Variants in DIP2B observed in about 807,000 individuals in gnomAD.
The protein encoded by DIP2B is DIP2 acetate--CoA ligase B (putative), also known as disco-interacting protein 2 homolog B.
In DIP2B, 76 loss-of-function variants were observed where a neutral mutation model predicts 198.0. That is an observed-to-expected ratio of 0.38 (90% CI 0.32 to 0.46). The LOEUF (loss-of-function observed/expected upper bound fraction) is 0.46, where lower values mean the gene tolerates loss of function less well. Among genes scored for constraint, DIP2B ranks in the 20% least tolerant of loss-of-function variants. DIP2B has a pLI of 0.99. For synonymous variants in DIP2B, 701 were observed against 739.1 expected (o/e 0.95, Z 0.84); for missense variants, 1,559 against 1,978.4 (o/e 0.79, Z 4.02).
At chr12:50,615,445 C>T (rs571732621) in intron 1 of DIP2B, among the ~76,000 whole-genome samples, 3 of 152,268 alleles carry the variant, frequency 2.0e-5, no homozygotes, top group Admixed American at 1.3e-4. Flanking sequence ...TTCTTTTAGG[C>T]CCTTAGCATC....
At chr12:50,535,511 C>T (rs898824853) in intron 1 of DIP2B, among the ~76,000 whole-genome samples, 3 of 151,824 alleles carry the variant, frequency 2.0e-5, no homozygotes, top group Admixed American at 6.6e-5. Flanking sequence ...GCATCACAGG[C>T]GCCCACCACC....
intron 1 of DIP2B, among the ~76,000 whole-genome samples, chr12:50,590,269 G>T (rs925191451): frequency 4.6e-5 from 7 of 152,068 alleles, no homozygotes; most frequent in Admixed American, 4.6e-4. Flanking sequence ...AAAATTCTGG[G>T]ATTACACTTG....
chr12:50,619,916 C>T (rs1241232281), intron 1 of DIP2B, among the ~76,000 whole-genome samples: 1 of 152,110 alleles, frequency 6.6e-6, no homozygotes, highest in Non-Finnish European at 1.5e-5. Flanking sequence ...TAAAAATTAG[C>T]TGGGTGTGAT....
chr12:50,721,190 G>A (rs1418361674), intron 25 of DIP2B, 83 bp from the exon 26 acceptor site: 1 of 1,531,334 alleles, frequency 6.5e-7, no homozygotes, highest in Non-Finnish European at 8.8e-7. Flanking sequence ...AAGCCTTTCA[G>A]GTATGATGTT....
At chr12:50,712,013 T>G (rs1321862673) in intron 22 of DIP2B, among the ~76,000 whole-genome samples, 1 of 151,832 alleles carries the variant, frequency 6.6e-6, no homozygotes, top group Non-Finnish European at 1.5e-5. Context: ...AATAAACAAA[T>G]GAATAAATAA....
At chr12:50,537,338 T>C (rs1337886331) in intron 1 of DIP2B, among the ~76,000 whole-genome samples, 1 of 152,022 alleles carries the variant, frequency 6.6e-6, no homozygotes, top group Admixed American at 6.6e-5. Context: ...ATTTTTACCT[T>C]ACCTGTTGTG....
At chr12:50,708,080 G>T (rs1939546594) in intron 21 of DIP2B, among the ~76,000 whole-genome samples, 1 of 151,688 alleles carries the variant, frequency 6.6e-6, no homozygotes, top group African/African-American at 2.4e-5. Flanking sequence ...CCTCAGGGAG[G>T]CGCCCCCCGA....
At chr12:50,619,554 T>C (rs989572271) in intron 1 of DIP2B, among the ~76,000 whole-genome samples, 2 of 152,210 alleles carry the variant, frequency 1.3e-5, no homozygotes, top group South Asian at 4.1e-4. Flanking sequence ...TGCATTTGTG[T>C]ACGTGTCTCC....
At chr12:50,542,115 C>T (rs547327753) in intron 1 of DIP2B, among the ~76,000 whole-genome samples, 6 of 150,810 alleles carry the variant, frequency 4.0e-5, no homozygotes, top group Admixed American at 2.0e-4. Context: ...CACAGTGAAA[C>T]CCCATCTCTA....
At chr12:50,590,506 A>T (rs1958809916) in intron 1 of DIP2B, among the ~76,000 whole-genome samples, 1 of 152,036 alleles carries the variant, frequency 6.6e-6, no homozygotes, top group Admixed American at 6.6e-5. Flanking sequence ...AGTAGCTGGG[A>T]TTACAGGCAC....
chr12:50,635,164 C>T (rs529161714), intron 2 of DIP2B, among the ~76,000 whole-genome samples: 7 of 152,268 alleles, frequency 4.6e-5, no homozygotes, highest in African/African-American at 1.4e-4. Flanking sequence ...GGATACTGCT[C>T]ATTCTGTTTT....
rs574881310 is a variant in DIP2B, at chr12:50,534,533, C to T, written c.100+29293C>T. 1.3e-3 allele frequency among the ~76,000 whole-genome samples: 201 copies of T among 152,050 alleles called. 2 individuals carry two copies. The highest frequency in any genetic ancestry group is 5.1e-4 in the Non-Finnish European group (35 of 67,996). On this transcript the variant is annotated intron_variant, in intron 1 of 37. Coordinates refer to ENST00000301180, the MANE Select transcript of DIP2B (RefSeq NM_173602.3). The stretch of plus-strand genomic sequence containing the variant: ...GATTACAGGCATGAGCCACCACGCC[C>T]GGCTAATTTTTGTACAGATGGGGTT...
chr12:50,505,315 G>A (rs1166770020), intron 1 of DIP2B, 75 bp downstream of exon 1: 3 of 1,243,668 alleles, frequency 2.4e-6, no homozygotes, highest in East Asian at 2.9e-5. Context: ...TCCCCGCCGC[G>A]CGCTCTGGCG....
chr12:50,608,093 A>G (rs1164672452), intron 1 of DIP2B, among the ~76,000 whole-genome samples: 1 of 152,160 alleles, frequency 6.6e-6, no homozygotes, highest in East Asian at 1.9e-4. Flanking sequence ...GCACCGGGCC[A>G]CAATTTGCTT....
chr12:50,532,495 C>CAA (rs1555182155), intron 1 of DIP2B, among the ~76,000 whole-genome samples: 1 of 152,142 alleles, frequency 6.6e-6, no homozygotes, highest in Non-Finnish European at 1.5e-5. Flanking sequence ...GCCTGGGCGA[C>CAA]AGAGCCAGAT....
intron 1 of DIP2B, among the ~76,000 whole-genome samples, chr12:50,565,240 G>A (rs1402981718): frequency 6.6e-6 from 1 of 151,784 alleles, no homozygotes; most frequent in Non-Finnish European, 1.5e-5. Flanking sequence ...CAAATGATCT[G>A]CCTGCCTCAG....
intron 1 of DIP2B, among the ~76,000 whole-genome samples, chr12:50,540,252 T>C (rs11169483): frequency 0.27 from 40,951 of 149,992 alleles, 5,838 homozygotes; most frequent in East Asian, 0.39. Context: ...GGATTACAGG[T>C]GCCCACCACC....
intron 1 of DIP2B, among the ~76,000 whole-genome samples, chr12:50,536,133 A>G (rs1020893694): frequency 1.3e-4 from 19 of 151,738 alleles, no homozygotes; most frequent in Admixed American, 3.9e-4. Flanking sequence ...AGTCTTTGCT[A>G]TTGTGAATAG....
chr12:50,511,202 G>A (rs527427211), intron 1 of DIP2B, among the ~76,000 whole-genome samples: 2 of 147,744 alleles, frequency 1.4e-5, no homozygotes, highest in Non-Finnish European at 3.0e-5. Flanking sequence ...CTTTGTCCTC[G>A]CAAAGTGCTG....
Sources: gnomAD v4.1 joint callset for allele counts (sites outside exome capture counted in the v4.1 genomes callset) on GRCh38, gnomAD v4.1.1 for gene constraint, MANE v1.5 for transcripts, NCBI Gene and HGNC (gene_info 2026-07-23, HGNC 2026-07-21) for gene names.